The following TMCC2 variants were observed in gnomAD, a reference collection of about 807,000 sequenced individuals.
The protein encoded by TMCC2 is transmembrane and coiled-coil domain family 2.
In TMCC2, 16 loss-of-function variants were observed where a neutral mutation model predicts 49.4. The ratio of observed to expected loss-of-function variants is 0.32; its 90% CI spans 0.22 to 0.49. TMCC2 has a LOEUF of 0.49. TMCC2 is among the 20% of genes least tolerant of loss of function. TMCC2 has a pLI of 0.99. For missense variants in TMCC2, 762 were observed against 989.8 expected, an observed-to-expected ratio of 0.77 and a Z score of 3.09; for synonymous variants, 397 against 434.1, an observed-to-expected ratio of 0.91 and a Z score of 1.06.
At chr1:205,267,945 C>A (rs566584858) in intron 2 of TMCC2, 1 of 984,736 alleles carries the variant, frequency 1.0e-6, no homozygotes, top group South Asian at 4.7e-5. Flanking sequence ...GGGACCTGGC[C>A]AGCAGGGTGG....
Position 205,241,709 on chromosome 1 carries a change from C to G in TMCC2, c.412C>G (p.Leu138Val). 1 of 1,613,606 alleles carries G rather than the reference C, an allele frequency of 6.2e-7. No homozygotes were observed. Among genetic ancestry groups the G allele is most frequent in the Non-Finnish European group, 8.5e-7 (1 of 1,180,026 alleles). ...GCATCGCGTCTCCTACGCCATGTCC[C>G]TGCACGACCTGCCCGCCCGGCCCAC... The part of the protein sequence containing the change: ...EMHRVSYAMS[L>V]HDLPARPTAF... Residue 138 changes from leucine (L) to valine (V), a missense_variant, in exon 2 of 5, where the codon CTG becomes GTG. By Grantham distance (32) the Leu-to-Val change is conservative. Around this residue, in one of 2 missense-constraint regions of TMCC2, gnomAD observed 322 missense variants for 353.1 expected, o/e 0.91. Transcript: ENST00000358024. The surrounding 1 kb of genome is among the most constrained non-coding windows in gnomAD (Gnocchi z 7.3).
At position 205,241,769 on chromosome 1, in the gene TMCC2, C is replaced by G; in HGVS notation, c.472C>G (p.Arg158Gly). The change falls in exon 2 of 5, where the codon CGG (arginine) becomes GGG (glycine). Residue 158 changes from arginine (R) to glycine (G), a missense_variant. Arg to Gly is a moderately radical substitution (Grantham distance 125, BLOSUM62 -2). Around this residue, in one of 2 missense-constraint regions of TMCC2, gnomAD observed 322 missense variants for 353.1 expected, o/e 0.91. Coordinates refer to ENST00000358024, the MANE Select transcript of TMCC2 (RefSeq NM_014858.4). This position sits in a 1 kb window ranked among gnomAD's most constrained non-coding sequence, Gnocchi z 7.3. Reference protein sequence around the residue: ...FNRVLQQIRSRPSIKRGASLH... With the variant: ...FNRVLQQIRSGPSIKRGASLH... ...CCGCGTGCTGCAGCAGATCCGCTCC[C>G]GGCCCTCCATCAAGCGGGGCGCCAG... 6.2e-7 allele frequency: 1 copy of G among 1,611,102 alleles called. No individual in the cohort carries two copies. Among genetic ancestry groups the G allele is most frequent in the South Asian group, 1.1e-5 (1 of 90,948 alleles).
At chr1:205,268,297 GT>G (rs766510779) in intron 2 of TMCC2, among the ~76,000 whole-genome samples, 42 of 152,314 alleles carry the variant, frequency 2.8e-4, no homozygotes, top group Non-Finnish European at 5.9e-4. Context: ...GACCTGCCTG[GT>G]CCATGTGCTG....
At chr1:205,251,676 A>G (rs1460584480) in intron 2 of TMCC2, among the ~76,000 whole-genome samples, 4 of 152,230 alleles carry the variant, frequency 2.6e-5, no homozygotes, top group African/African-American at 9.6e-5. Context: ...TTCAGATCCA[A>G]ATATAATCTG....
chr1:205,238,264 T>C (rs1451139701), intron 1 of TMCC2, among the ~76,000 whole-genome samples: 1 of 152,044 alleles, frequency 6.6e-6, no homozygotes, highest in Non-Finnish European at 1.5e-5. Context: ...ACACTTACTG[T>C]GTTATGTCAA....
rs1324347488 is a variant in TMCC2, at chr1:205,241,523, G to C, written c.226G>C (p.Glu76Gln). 1.2e-6 allele frequency: 2 copies of C among 1,613,706 alleles called. No homozygotes were observed. The highest frequency in any genetic ancestry group is 1.7e-6 in the Non-Finnish European group (2 of 1,179,968). ...PDLKKIQQLSEGSMFGHGLKH... is the reference protein window; with the variant it reads ...PDLKKIQQLSQGSMFGHGLKH... ...CCTTAAGAAAATCCAGCAGCTGTCA[G>C]AGGGCTCCATGTTTGGCCACGGTCT... is the stretch of plus-strand genomic sequence containing the variant. The change falls in exon 2 of 5, where the codon GAG becomes CAG. Residue 76 changes from glutamate to glutamine, a missense_variant. By Grantham distance (29) the Glu-to-Gln change is conservative (BLOSUM62 2). Around this residue, in one of 2 missense-constraint regions of TMCC2, gnomAD observed 322 missense variants for 353.1 expected, o/e 0.91. Coordinates refer to ENST00000358024, the MANE Select transcript of TMCC2 (RefSeq NM_014858.4). The surrounding 1 kb of genome is among the most constrained non-coding windows in gnomAD (Gnocchi z 7.3).
Position 205,269,028 on chromosome 1 carries a change from C to T in TMCC2, c.826C>T (p.Pro276Ser), listed in dbSNP as rs758712675. Residue 276 changes from proline to serine, a missense_variant, in exon 3 of 5, where the codon CCC becomes TCC. By Grantham distance (74) the Pro-to-Ser change is moderately conservative. Transcript: ENST00000358024. The stretch of plus-strand genomic sequence containing the variant: ...CGACGGCCCCATCAGCCTGGACGTG[C>T]CCGATGGGGCACCGGACCCCCAGCG... ...DTDGPISLDV[P>S]DGAPDPQRTK... is the part of the protein sequence containing the mutation. 6.2e-7 allele frequency: 1 copy of T among 1,613,500 alleles called. No individual in the cohort carries two copies. Among genetic ancestry groups the T allele is most frequent in the South Asian group, 1.1e-5 (1 of 91,086 alleles).
rs542083069 is a variant in TMCC2 at position 205,271,805 on chromosome 1, C to T, written c.1819-8C>T. The stretch of plus-strand genomic sequence containing the variant: ...AGCGCACACATGCCAGCCCCTCTGC[C>T]CCTGCAGGAGGCCGTGGAGTCCTGC... On this transcript the variant is annotated splice_region_variant and splice_polypyrimidine_tract_variant and intron_variant, in intron 4 of 4. Coordinates refer to ENST00000358024, the MANE Select transcript of TMCC2 (RefSeq NM_014858.4). 1.9e-6 allele frequency: 3 copies of T among 1,606,642 alleles called. No homozygotes were observed. The South Asian group carries it at 3.3e-5, about 18-fold the overall frequency.
chr1:205,267,999 A>T, intron 2 of TMCC2: 2 of 985,284 alleles, frequency 2.0e-6, no homozygotes, highest in Non-Finnish European at 2.4e-6. Context: ...ACTAGGAAGG[A>T]CTGGGGGCTT....
chr1:205,241,661 G>A lies in TMCC2; in HGVS notation c.364G>A (p.Glu122Lys). The change falls in exon 2 of 5, where the codon GAG (glutamate) becomes AAG (lysine). Residue 122 changes from glutamate (E) to lysine (K), a missense_variant. Physicochemically the swap from Glu to Lys is moderately conservative, Grantham distance 56. Around this residue, in one of 2 missense-constraint regions of TMCC2, gnomAD observed 322 missense variants for 353.1 expected, o/e 0.91. Coordinates refer to ENST00000358024, the MANE Select transcript of TMCC2 (RefSeq NM_014858.4). This position sits in a 1 kb window ranked among gnomAD's most constrained non-coding sequence, Gnocchi z 7.3. Reference protein sequence around the residue: ...QGMSDHDSPDEKERSPEMHRV... With the variant: ...QGMSDHDSPDKKERSPEMHRV... Reference sequence around the variant, plus strand: ...TATGTCCGACCATGACTCCCCAGATGAGAAGGAGCGCTCTCCGGAGATGCA... The same window carrying A: ...TATGTCCGACCATGACTCCCCAGATAAGAAGGAGCGCTCTCCGGAGATGCA... 1.2e-6 allele frequency: 2 copies of A among 1,613,848 alleles called. No homozygotes were observed. Among genetic ancestry groups the A allele is most frequent in the Non-Finnish European group, 1.7e-6 (2 of 1,179,990 alleles).
At chr1:205,250,132 A>G (rs1660608437) in intron 2 of TMCC2, among the ~76,000 whole-genome samples, 2 of 152,252 alleles carry the variant, frequency 1.3e-5, no homozygotes, top group Non-Finnish European at 1.5e-5. Context: ...ACCAGAGATC[A>G]TAAGCTGCAG....
chr1:205,262,843 A>T (rs770027349), intron 2 of TMCC2, among the ~76,000 whole-genome samples: 1 of 151,836 alleles, frequency 6.6e-6, no homozygotes, highest in Non-Finnish European at 1.5e-5. Flanking sequence ...TGGTGGGGAG[A>T]AGCTCTTAGA....
intron 1 of TMCC2, 59 bp downstream of exon 1, chr1:205,228,830 C>G (rs1030075654): frequency 1.3e-6 from 2 of 1,525,808 alleles, no homozygotes; most frequent in South Asian, 1.2e-5. Flanking sequence ...CGCCACCCCA[C>G]GCAGAAGTGC....
At chr1:205,232,272 G>A (rs1479775698) in intron 1 of TMCC2, among the ~76,000 whole-genome samples, 2 of 152,218 alleles carry the variant, frequency 1.3e-5, no homozygotes, top group East Asian at 3.8e-4. Context: ...GGCTCATGCA[G>A]ATACATTGAG....
rs1574838141 is a variant in TMCC2 at position 205,241,895 on chromosome 1, A to G, written c.598A>G (p.Lys200Glu). Residue 200 changes from lysine (K) to glutamate (E), a missense_variant, in exon 2 of 5, where the codon AAG (lysine) becomes GAG (glutamate). Physicochemically the swap from Lys to Glu is moderately conservative, Grantham distance 56. This residue lies in a region of TMCC2 where 322 missense variants were observed against 353.1 expected (regional missense o/e 0.91). Coordinates refer to ENST00000358024, the MANE Select transcript of TMCC2 (RefSeq NM_014858.4). The surrounding 1 kb of genome is among the most constrained non-coding windows in gnomAD (Gnocchi z 7.3). Reference sequence around the variant, plus strand: ...GCGTGGCAGCCCTCACCTGCTGCGCAAGGCCCCCCAGGACAGCAGCCTGGC... The same window carrying G: ...GCGTGGCAGCCCTCACCTGCTGCGCGAGGCCCCCCAGGACAGCAGCCTGGC... ...PQRGSPHLLR[K>E]APQDSSLAAI... 1 of 1,608,460 alleles carries G rather than the reference A, an allele frequency of 6.2e-7. No homozygotes were observed. The highest frequency in any genetic ancestry group is 8.5e-7 in the Non-Finnish European group (1 of 1,178,894).
intron 1 of TMCC2, chr1:205,229,075 C>T: frequency 8.2e-7 from 1 of 1,216,554 alleles, no homozygotes; most frequent in Non-Finnish European, 1.0e-6. Context: ...CTGGAGAAAT[C>T]CAAGATGCTA....
intron 2 of TMCC2, among the ~76,000 whole-genome samples, chr1:205,243,159 G>C (rs1210618895): frequency 6.6e-6 from 1 of 152,168 alleles, no homozygotes; most frequent in Admixed American, 6.5e-5. Flanking sequence ...CGAGGTGGGT[G>C]GATCACTTGA....
In TMCC2 at chr1:205,264,597, G is replaced by A. The variant is rs1466778272; in HGVS notation, c.748-4353G>A. Among the ~76,000 whole-genome samples, 6 of 151,896 alleles carry A rather than the reference G, an allele frequency of 4.0e-5. No individual in the cohort carries two copies. The highest frequency in any genetic ancestry group is 7.4e-5 in the Non-Finnish European group (5 of 68,004). ...CCTCCCAGGTTCGCGCCATTCTCCC[G>A]CCTCAGCCTCCCGAGTAGCTGGGAC... On this transcript the variant is annotated intron_variant, in intron 2 of 4. Coordinates refer to ENST00000358024, the MANE Select transcript of TMCC2 (RefSeq NM_014858.4). This position sits in a 1 kb window ranked among gnomAD's most constrained non-coding sequence, Gnocchi z 4.2.
chr1:205,239,701 T>C (rs1660192865), intron 1 of TMCC2, among the ~76,000 whole-genome samples: 1 of 152,228 alleles, frequency 6.6e-6, no homozygotes, highest in South Asian at 2.1e-4. Flanking sequence ...GTAATTTATC[T>C]GGTCTGTAAA....
Sources: allele counts gnomAD v4.1 joint callset (sites outside exome capture counted in the v4.1 genomes callset), GRCh38; gene constraint gnomAD v4.1.1; regional missense constraint gnomAD v4.1.1; non-coding constraint Gnocchi (gnomAD v3.1); transcripts MANE v1.5; gene names NCBI Gene and HGNC (gene_info 2026-07-23, HGNC 2026-07-21).